KCNIP4: variants seen among roughly 807,000 people sequenced by gnomAD.
KCNIP4 encodes potassium voltage-gated channel interacting protein 4.
A neutral mutation model predicts 34.0 loss-of-function variants in KCNIP4; 12 were observed. The observed-to-expected ratio is 0.35, with a 90% CI of 0.23 to 0.57. The LOEUF (loss-of-function observed/expected upper bound fraction) is 0.57, where lower values mean the gene tolerates loss of function less well. KCNIP4 is among the 20% of genes least tolerant of loss of function. The probability of loss-of-function intolerance (pLI) is 0.83; values close to 1 mark genes in which losing one functional copy is unlikely to be tolerated. For missense variants in KCNIP4, 238 were observed against 311.7 expected (o/e 0.76, Z 1.78); for synonymous variants, 124 against 102.2 (o/e 1.21, Z -1.29).
rs565126649 is a variant in KCNIP4, at chr4:21,818,908, G to A, written c.61+129663C>T. Among the ~76,000 whole-genome samples, 25 of 152,180 alleles carry A rather than the reference G, an allele frequency of 1.6e-4. No homozygotes were observed. In the South Asian group the frequency reaches 4.6e-3, roughly 28 times the overall value. The stretch of plus-strand genomic sequence containing the variant: ...TTTTCTACAAGTAGAGTAGTAGTGA[G>A]GGAACCAGGAACCAGTTTCACATTG... On this transcript the variant is annotated intron_variant, in intron 1 of 8. Coordinates refer to ENST00000382152, the MANE Select transcript of KCNIP4 (RefSeq NM_025221.6).
chr4:20,765,350 G>C (rs1755304406), intron 3 of KCNIP4, among the ~76,000 whole-genome samples: 1 of 152,124 alleles, frequency 6.6e-6, no homozygotes, highest in African/African-American at 2.4e-5. Context: ...AGATGTACAC[G>C]GTGTATTTGT....
At chr4:21,285,710 AG>A (rs1353820382) in intron 1 of KCNIP4, among the ~76,000 whole-genome samples, 2 of 151,898 alleles carry the variant, frequency 1.3e-5, no homozygotes, top group Non-Finnish European at 2.9e-5. Flanking sequence ...GCATGGTAGT[AG>A]GTGTCTGTAA....
rs1178345222 is a variant in KCNIP4, at chr4:21,029,561, A to G, written c.62-146852T>C. On this transcript the variant is annotated intron_variant, in intron 1 of 8. Transcript: ENST00000382152. ...TACTTTTGGGAAGTAGAGGTTGCCA[A>G]TTAGGTGGGTGGAAATGCTTTCTGT... 7.9e-5 allele frequency among the ~76,000 whole-genome samples: 12 copies of G among 152,310 alleles called. No homozygotes were observed. In the East Asian group the frequency reaches 1.4e-3, roughly 17 times the overall value.
At chr4:21,110,333 A>T (rs1049677696) in intron 1 of KCNIP4, among the ~76,000 whole-genome samples, 2 of 152,226 alleles carry the variant, frequency 1.3e-5, no homozygotes, top group Non-Finnish European at 2.9e-5. Flanking sequence ...AAAAACAGAC[A>T]CATATAAATG....
intron 1 of KCNIP4, among the ~76,000 whole-genome samples, chr4:21,475,613 C>T (rs76687863): frequency 0.013 from 1,961 of 152,232 alleles, 28 homozygotes; most frequent in South Asian, 0.026. Context: ...GTTCAAAGAC[C>T]AGTTCAGGAT....
chr4:21,324,429 G>T (rs1714817074), intron 1 of KCNIP4, among the ~76,000 whole-genome samples: 1 of 151,952 alleles, frequency 6.6e-6, no homozygotes, highest in Non-Finnish European at 1.5e-5. Context: ...GTTGTATATT[G>T]TGTAAGATAG....
chr4:21,655,580 T>C (rs1036043959), intron 1 of KCNIP4, among the ~76,000 whole-genome samples: 19 of 152,324 alleles, frequency 1.2e-4, no homozygotes, highest in African/African-American at 4.1e-4. Context: ...TCTCCTTTCA[T>C]TGGGGAAGTT....
chr4:21,689,892 G>T (rs1012010731), intron 1 of KCNIP4, among the ~76,000 whole-genome samples: 1 of 151,840 alleles, frequency 6.6e-6, no homozygotes, highest in Non-Finnish European at 1.5e-5. Context: ...TTGATCTACT[G>T]CAGGGTTTTA....
intron 1 of KCNIP4, among the ~76,000 whole-genome samples, chr4:21,860,940 C>A (rs1255708276): frequency 6.6e-6 from 1 of 152,138 alleles, no homozygotes; most frequent in East Asian, 1.9e-4. Context: ...CTGTTCCTCC[C>A]ACCCAGTCAA....
intron 1 of KCNIP4, among the ~76,000 whole-genome samples, chr4:21,247,346 G>A (rs1240882379): frequency 6.6e-6 from 1 of 151,864 alleles, no homozygotes; most frequent in Non-Finnish European, 1.5e-5. Flanking sequence ...AAGGTGTTGT[G>A]ATTTTGTGAA....
intron 1 of KCNIP4, among the ~76,000 whole-genome samples, chr4:21,217,876 G>A (rs1757702885): frequency 6.6e-6 from 1 of 151,892 alleles, no homozygotes; most frequent in Non-Finnish European, 1.5e-5. Context: ...TGAGAGAAAA[G>A]GACAGGGTTA....
intron 1 of KCNIP4, among the ~76,000 whole-genome samples, chr4:21,440,812 A>G (rs1727405704): frequency 6.6e-6 from 1 of 152,364 alleles, no homozygotes; most frequent in East Asian, 1.9e-4. Flanking sequence ...TGTCAGTAAC[A>G]TAACTCAATT....
chr4:21,555,000 A>G (rs868113540), intron 1 of KCNIP4, among the ~76,000 whole-genome samples: 3 of 152,278 alleles, frequency 2.0e-5, no homozygotes, highest in Admixed American at 1.3e-4. Flanking sequence ...TTCTTCTGTT[A>G]TTTAATGAAT....
intron 1 of KCNIP4, among the ~76,000 whole-genome samples, chr4:21,474,131 C>A (rs757003950): frequency 4.6e-5 from 7 of 152,116 alleles, no homozygotes; most frequent in Non-Finnish European, 7.3e-5. Context: ...AGCTTTCAGA[C>A]AAATGGCAGA....
chr4:20,993,310 A>C (rs1481337912), intron 1 of KCNIP4, among the ~76,000 whole-genome samples: 2 of 152,196 alleles, frequency 1.3e-5, no homozygotes, highest in Non-Finnish European at 2.9e-5. Flanking sequence ...GAAGATCAGG[A>C]AAATCCCAGA....
intron 1 of KCNIP4, among the ~76,000 whole-genome samples, chr4:21,668,180 A>G (rs928102200): frequency 2.0e-5 from 3 of 152,192 alleles, no homozygotes; most frequent in African/African-American, 7.2e-5. Flanking sequence ...GAGTTGAACA[A>G]TGAGAACACA....
chr4:20,739,002 T>C (rs1465139215), intron 5 of KCNIP4, among the ~76,000 whole-genome samples: 2 of 152,086 alleles, frequency 1.3e-5, no homozygotes, highest in African/African-American at 4.8e-5. Flanking sequence ...ATCACAGAAG[T>C]CCGAGATCGA....
intron 1 of KCNIP4, among the ~76,000 whole-genome samples, chr4:20,916,985 TTATATATATATATATATATATATATATA>T (rs1157104290): frequency 0.012 from 480 of 41,292 alleles, 7 homozygotes; most frequent in African/African-American, 0.031. Flanking sequence ...CATCTTATGT[TTATATATATATATATATATATATATATA>T]TATATATATA....
chr4:21,025,617 G>A (rs1479813599), intron 1 of KCNIP4, among the ~76,000 whole-genome samples: 1 of 135,042 alleles, frequency 7.4e-6, no homozygotes. Flanking sequence ...GCAGTGGTGC[G>A]ATTTCGCCTC....
Sources: gnomAD v4.1 joint callset for allele counts (sites outside exome capture counted in the v4.1 genomes callset) on GRCh38, gnomAD v4.1.1 for gene constraint, MANE v1.5 for transcripts, NCBI Gene and HGNC (gene_info 2026-07-23, HGNC 2026-07-21) for gene names.